ELMOD1: variants seen among roughly 807,000 people sequenced by gnomAD.
ELMOD1 encodes ELMO domain containing 1, also known as ELMO domain-containing protein 1.
A neutral mutation model predicts 46.7 loss-of-function variants in ELMOD1; 21 were observed. That is an observed-to-expected ratio of 0.45 (90% CI 0.32 to 0.65). The LOEUF is 0.65. Ranked by LOEUF, ELMOD1 falls within the 30% of genes least tolerant of loss-of-function variation. The pLI is 0.04. For missense variants in ELMOD1, 348 were observed against 407.8 expected, an observed-to-expected ratio of 0.85 and a Z score of 1.26; for synonymous variants, 122 against 138.2, an observed-to-expected ratio of 0.88 and a Z score of 0.82.
intron 6 of ELMOD1, among the ~76,000 whole-genome samples, chr11:107,639,048 G>C (rs1866276988): frequency 6.6e-6 from 1 of 152,164 alleles, no homozygotes; most frequent in South Asian, 2.1e-4. Context: ...TACTTGGGAG[G>C]CTGAGGCAGG....
At chr11:107,600,250 T>C (rs1865574426) in intron 1 of ELMOD1, 1 of 151,960 alleles carries the variant, frequency 6.6e-6, no homozygotes, top group African/African-American at 2.4e-5. Context: ...AAAATGACTT[T>C]ACAAAAATAT....
At chr11:107,642,576 G>C (rs1416847868) in intron 6 of ELMOD1, among the ~76,000 whole-genome samples, 1 of 151,446 alleles carries the variant, frequency 6.6e-6, no homozygotes, top group Non-Finnish European at 1.5e-5. Context: ...TCACCGTCTT[G>C]GCCAGGCTGG....
intron 1 of ELMOD1, among the ~76,000 whole-genome samples, chr11:107,612,166 G>A (rs950069448): frequency 6.6e-6 from 1 of 152,156 alleles, no homozygotes; most frequent in African/African-American, 2.4e-5. Flanking sequence ...GTATACCATA[G>A]AATACTACAC....
intron 6 of ELMOD1, chr11:107,642,945 A>C (rs1866351784): frequency 2.9e-6 from 1 of 341,490 alleles, no homozygotes; most frequent in Non-Finnish European, 5.8e-6. Context: ...TGGTACAATC[A>C]GGTTATCCTT....
In ELMOD1 at chr11:107,666,512, A is replaced by G. The variant is rs1162719906; in HGVS notation, c.*1315A>G. 1 of 152,648 alleles carries G rather than the reference A, an allele frequency of 6.6e-6. No homozygotes were observed. The highest frequency in any genetic ancestry group is 1.5e-5 in the Non-Finnish European group (1 of 68,042). 9.5% of individuals were successfully genotyped at this position (152,648 alleles called of 1,614,324 possible). Reference sequence around the variant, plus strand: ...CGACCTTGTCTTGTATCAGTGGAAGAAGTAAGTTGCTTAGAAAGGGAAAAG... The same window carrying G: ...CGACCTTGTCTTGTATCAGTGGAAGGAGTAAGTTGCTTAGAAAGGGAAAAG... On this transcript the variant is annotated 3_prime_UTR_variant, in exon 12 of 12. Coordinates refer to ENST00000265840, the MANE Select transcript of ELMOD1 (RefSeq NM_018712.4).
intron 7 of ELMOD1, among the ~76,000 whole-genome samples, chr11:107,648,075 C>G (rs1246246320): frequency 1.3e-5 from 2 of 152,148 alleles, no homozygotes; most frequent in Middle Eastern, 6.3e-3. Context: ...ATTATCACAG[C>G]AAACACAATT....
intron 6 of ELMOD1, among the ~76,000 whole-genome samples, chr11:107,644,907 G>GGTTTTT (rs201677228): frequency 0.035 from 4,198 of 119,204 alleles, 197 homozygotes; most frequent in African/African-American, 0.12. Flanking sequence ...GTTCCTAAAG[G>GGTTTTT]GTTTTTGTTT....
At chr11:107,593,585 A>C (rs1282844904) in intron 1 of ELMOD1, among the ~76,000 whole-genome samples, 1 of 152,226 alleles carries the variant, frequency 6.6e-6, no homozygotes, top group Non-Finnish European at 1.5e-5. Context: ...AGGTGCATTA[A>C]AGGAAGCGTT....
chr11:107,626,368 G>GCTGGTGGTGGCTGCTTTCTCTTCTCTTC (rs1866040512), intron 2 of ELMOD1, among the ~76,000 whole-genome samples: 1 of 135,942 alleles, frequency 7.4e-6, no homozygotes, highest in Non-Finnish European at 1.5e-5. Flanking sequence ...CCCAAAGCAT[G>GCTGGTGGTGGCTGCTTTCTCTTCTCTTC]CAGTCATGAA....
intron 1 of ELMOD1, among the ~76,000 whole-genome samples, chr11:107,602,065 A>G (rs901772152): frequency 1.3e-5 from 2 of 152,190 alleles, no homozygotes; most frequent in African/African-American, 4.8e-5. Flanking sequence ...TGAAAGATAC[A>G]TGGAAGGTCT....
At chr11:107,647,408 A>G in intron 6 of ELMOD1, 60 bp from the exon 7 acceptor site, 1 of 1,525,768 alleles carries the variant, frequency 6.6e-7, no homozygotes, top group African/African-American at 1.4e-5. Context: ...GTAGTTTACA[A>G]AATCTGAACC....
chr11:107,617,834 CA>C (rs1336273383), intron 1 of ELMOD1, among the ~76,000 whole-genome samples: 1 of 151,980 alleles, frequency 6.6e-6, no homozygotes, highest in Admixed American at 6.6e-5. Context: ...GAACAATACC[CA>C]AAATAAAGGA....
At chr11:107,645,110 TGTATTA>T (rs1866403542) in intron 6 of ELMOD1, among the ~76,000 whole-genome samples, 1 of 142,148 alleles carries the variant, frequency 7.0e-6, no homozygotes, top group South Asian at 2.3e-4. Flanking sequence ...TTTTTTTTTT[TGTATTA>T]TTTGTAGAGA....
intron 6 of ELMOD1, among the ~76,000 whole-genome samples, chr11:107,647,004 T>C (rs78609280): frequency 0.033 from 5,033 of 150,914 alleles, 240 homozygotes; most frequent in African/African-American, 0.11. Flanking sequence ...CTACCTACCA[T>C]CTAATTTCCT....
intron 10 of ELMOD1, 54 bp from the exon 11 acceptor site, chr11:107,655,879 A>G: frequency 6.4e-7 from 1 of 1,561,148 alleles, no homozygotes; most frequent in South Asian, 1.2e-5. Context: ...CTAATGGGAA[A>G]TACTTATTTC....
intron 11 of ELMOD1, among the ~76,000 whole-genome samples, chr11:107,659,222 G>A (rs1866686921): frequency 1.3e-5 from 2 of 152,222 alleles, no homozygotes; most frequent in South Asian, 4.1e-4. Context: ...ACGTCAAACA[G>A]CATCAACATC....
intron 1 of ELMOD1, chr11:107,591,634 C>T (rs111316654): frequency 2.5e-5 from 9 of 359,852 alleles, no homozygotes; most frequent in African/African-American, 1.9e-4. Flanking sequence ...CTATCCTGTC[C>T]TCCCAATTAA....
chr11:107,650,018 C>A (rs528970452), intron 7 of ELMOD1, among the ~76,000 whole-genome samples: 2 of 152,164 alleles, frequency 1.3e-5, no homozygotes, highest in Non-Finnish European at 2.9e-5. Context: ...CCAAACTATT[C>A]GACCTCCTCT....
chr11:107,631,499 G>C (rs1307930481), intron 4 of ELMOD1, 81 bp from the exon 5 acceptor site: 2 of 655,708 alleles, frequency 3.1e-6, no homozygotes, highest in Non-Finnish European at 4.6e-6. Flanking sequence ...TTAAGCAAAT[G>C]TTTGAAGCCT....
Sources: gnomAD v4.1 joint callset for allele counts (sites outside exome capture counted in the v4.1 genomes callset) on GRCh38, gnomAD v4.1.1 for gene constraint, MANE v1.5 for transcripts, NCBI Gene and HGNC (gene_info 2026-07-23, HGNC 2026-07-21) for gene names.